The following MAP3K13 variants were observed in gnomAD, a reference collection of about 807,000 sequenced individuals.
MAP3K13 encodes the protein leucine zipper-bearing kinase.
MAP3K13 carries 52 observed loss-of-function variants against 104.0 expected under a neutral mutation model. That is an observed-to-expected ratio of 0.50 (90% CI 0.40 to 0.63). The LOEUF (loss-of-function observed/expected upper bound fraction) is 0.63. MAP3K13 is among the 20% of genes least tolerant of loss of function. MAP3K13 has a pLI of 0.00. For missense variants in MAP3K13, 914 were observed against 1,218.5 expected (o/e 0.75, Z 3.72); for synonymous variants, 394 against 442.2 (o/e 0.89, Z 1.37).
At chr3:185,372,187 A>G (rs1577475765) in intron 1 of MAP3K13, among the ~76,000 whole-genome samples, 1 of 152,246 alleles carries the variant, frequency 6.6e-6, no homozygotes, top group East Asian at 1.9e-4. Context: ...CCTAAATTAC[A>G]GACCCACTTT....
At chr3:185,373,888 G>T (rs1484092311) in intron 1 of MAP3K13, among the ~76,000 whole-genome samples, 1 of 147,912 alleles carries the variant, frequency 6.8e-6, no homozygotes, top group African/African-American at 2.5e-5. Flanking sequence ...GTGCAGGCGG[G>T]CTGAGTCCGC....
At chr3:185,348,715 G>A (rs904643840) in intron 2 of MAP3K13, among the ~76,000 whole-genome samples, 8 of 152,088 alleles carry the variant, frequency 5.3e-5, no homozygotes, top group Non-Finnish European at 1.0e-4. Context: ...TCAAGAGATC[G>A]AGACCATCCT....
chr3:185,327,284 C>T (rs1004717152), intron 2 of MAP3K13, among the ~76,000 whole-genome samples: 1 of 152,198 alleles, frequency 6.6e-6, no homozygotes, highest in Non-Finnish European at 1.5e-5. Flanking sequence ...ATTCATGTGA[C>T]TAGGTTGGAC....
chr3:185,362,820 G>A (rs867766336), upstream of MAP3K13, among the ~76,000 whole-genome samples: 1 of 152,134 alleles, frequency 6.6e-6, no homozygotes, highest in South Asian at 2.1e-4. Context: ...ATGAATAAAA[G>A]ATGGGATTTC....
intron 10 of MAP3K13, among the ~76,000 whole-genome samples, chr3:185,469,780 C>T (rs184502708): frequency 2.0e-5 from 3 of 152,304 alleles, no homozygotes; most frequent in East Asian, 3.9e-4. Flanking sequence ...TCAAAGTCTT[C>T]GTGTTTAACA....
chr3:185,371,271 C>G (rs371425081), intron 1 of MAP3K13, among the ~76,000 whole-genome samples: 1 of 152,096 alleles, frequency 6.6e-6, no homozygotes, highest in Admixed American at 6.5e-5. Flanking sequence ...AATTGTCAAG[C>G]CAAGAGGGCT....
Position 185,324,897 on chromosome 3 carries a change from C to T in MAP3K13, c.-86+39254C>T, listed in dbSNP as rs563246159. Reference sequence around the variant, plus strand: ...GATGCTGTGGACATGTCTTTACTTACAAGGTATTTTGTTCTCCTGACATAT... The same window carrying T: ...GATGCTGTGGACATGTCTTTACTTATAAGGTATTTTGTTCTCCTGACATAT... On this transcript the variant is annotated intron_variant, in intron 2 of 14. Coordinates refer to the MAP3K13 transcript ENST00000424227. 9.2e-5 allele frequency among the ~76,000 whole-genome samples: 14 copies of T among 151,606 alleles called. 2 individuals carry two copies. The South Asian group carries it at 2.9e-3, about 32-fold the overall frequency.
At chr3:185,477,206 AGCT>A in intron 11 of MAP3K13, 117 bp from the exon 12 acceptor site, 1 of 730,706 alleles carries the variant, frequency 1.4e-6, no homozygotes, top group East Asian at 2.7e-5. Flanking sequence ...ACATTCAGCA[AGCT>A]ACTACTAAAT....
At chr3:185,317,980 G>C (rs1212608682) in intron 2 of MAP3K13, among the ~76,000 whole-genome samples, 1 of 150,772 alleles carries the variant, frequency 6.6e-6, no homozygotes, top group Non-Finnish European at 1.5e-5. Flanking sequence ...AAAAAAAAGC[G>C]AAGGAAAAAA....
chr3:185,478,668 T>C (rs1252271029), intron 12 of MAP3K13, among the ~76,000 whole-genome samples: 1 of 151,900 alleles, frequency 6.6e-6, no homozygotes, highest in Non-Finnish European at 1.5e-5. Flanking sequence ...AATCAGGAGT[T>C]CAAGACCATC....
chr3:185,401,969 G>A (rs1364188423), intron 1 of MAP3K13, among the ~76,000 whole-genome samples: 2 of 152,174 alleles, frequency 1.3e-5, no homozygotes, highest in African/African-American at 4.8e-5. Flanking sequence ...ATAATTTTTA[G>A]TTACTCAATA....
At chr3:185,334,579 C>G (rs977453371) in intron 2 of MAP3K13, among the ~76,000 whole-genome samples, 1 of 150,472 alleles carries the variant, frequency 6.6e-6, no homozygotes, top group Non-Finnish European at 1.5e-5. Context: ...TTTTCTTTAA[C>G]ATGTTGCTGA....
rs758898925 is a variant in MAP3K13, at chr3:185,443,547, A to T, written c.762A>T (p.Arg254=). 6.2e-7 allele frequency: 1 copy of T among 1,614,096 alleles called. No homozygotes were observed. The highest frequency in any genetic ancestry group is 1.7e-5 in the Admixed American group (1 of 60,030). Residue 254 remains arginine (R), a synonymous_variant, in exon 4 of 14, where the codon CGA becomes CGT. Transcript: ENST00000265026. ...VLRAGRKITP[R]LLVDWSTGIA... is the part of the protein sequence containing the mutation. ...GAGCTGGCAGGAAGATCACACCTCG[A>T]TTGCTAGTAGACTGGTCCACAGGAA... is the stretch of plus-strand genomic sequence containing the variant.
chr3:185,406,295 T>C (rs1199261105), intron 1 of MAP3K13, among the ~76,000 whole-genome samples: 1 of 152,218 alleles, frequency 6.6e-6, no homozygotes, highest in African/African-American at 2.4e-5. Context: ...AATTAAATTG[T>C]ACTGCCATGT....
In MAP3K13 at chr3:185,482,537, TC is replaced by T; in HGVS notation, c.*84del. 9.7e-7 allele frequency: 1 copy of T among 1,032,918 alleles called. No individual in the cohort carries two copies. 64.0% of individuals were successfully genotyped at this position (1,032,918 alleles called of 1,614,324 possible). A position where few individuals can be genotyped will look rare whatever the true frequency, so the allele number is the denominator to read the frequency against. ...CCACCCCCAGACTCATCCCACTCTC[TC>T]CCAGCATTTTGTCTGGGAAGAGAGA... On this transcript the variant is annotated 3_prime_UTR_variant, in exon 14 of 14. Transcript: ENST00000265026. This position sits in a 1 kb window ranked among gnomAD's most constrained non-coding sequence, Gnocchi z 4.5.
chr3:185,454,799 A>AGATATATACATGATATATATAT (rs1716276655), intron 7 of MAP3K13, among the ~76,000 whole-genome samples: 1 of 67,712 alleles, frequency 1.5e-5, no homozygotes, highest in African/African-American at 4.8e-5. Flanking sequence ...GATATATATG[A>AGATATATACATGATATATATAT]GATATATACA....
intron 1 of MAP3K13, among the ~76,000 whole-genome samples, chr3:185,428,186 T>C (rs1171226287): frequency 1.3e-5 from 2 of 152,180 alleles, no homozygotes; most frequent in Non-Finnish European, 2.9e-5. Context: ...AATTAACTGT[T>C]GTTAGTTCCT....
chr3:185,283,193 G>A (rs1262435834), intron 1 of MAP3K13: 1 of 152,474 alleles, frequency 6.6e-6, no homozygotes, highest in Non-Finnish European at 1.5e-5. Context: ...AGGGGTTGAG[G>A]ATATGGAGAA....
Position 185,378,983 on chromosome 3 carries a change from T to C in MAP3K13, c.-86+15615T>C, listed in dbSNP as rs146041379. 5.4e-3 allele frequency among the ~76,000 whole-genome samples: 817 copies of C among 152,092 alleles called. 3 individuals carry two copies. Among genetic ancestry groups the C allele is most frequent in the African/African-American group, 0.019 (771 of 41,482 alleles). On this transcript the variant is annotated intron_variant, in intron 1 of 13. Transcript: ENST00000265026. ...AAGAGGTTTTAAGTTCTTGAGAACA[T>C]AGGCTAAGGGAAAAGGAGGAATGAA...
Sources: allele counts gnomAD v4.1 joint callset (sites outside exome capture counted in the v4.1 genomes callset), GRCh38; gene constraint gnomAD v4.1.1; non-coding constraint Gnocchi (gnomAD v3.1); transcripts MANE v1.5; gene names NCBI Gene and HGNC (gene_info 2026-07-23, HGNC 2026-07-21).